The following GARRE1 variants were observed in gnomAD, a reference collection of about 807,000 sequenced individuals.
GARRE1 encodes granule associated Rac and RHOG effector protein 1.
A neutral mutation model predicts 103.2 loss-of-function variants in GARRE1; 49 were observed. The ratio of observed to expected loss-of-function variants is 0.47; its 90% CI spans 0.38 to 0.60. The LOEUF (loss-of-function observed/expected upper bound fraction) is 0.60, where lower values mean the gene tolerates loss of function less well. GARRE1 is among the 20% of genes least tolerant of loss of function. GARRE1 has a pLI of 0.00. For missense variants in GARRE1, 1,199 were observed against 1,370.5 expected, an observed-to-expected ratio of 0.87 and a Z score of 1.98; for synonymous variants, 505 against 532.8, an observed-to-expected ratio of 0.95 and a Z score of 0.72.
At chr19:34,340,025 C>T (rs755341055) in intron 9 of GARRE1, 33 bp downstream of exon 9, 8 of 1,612,330 alleles carry the variant, frequency 5.0e-6, no homozygotes, top group East Asian at 2.2e-5. Flanking sequence ...AGATGCATAC[C>T]GAGGGACAGT....
At chr19:34,298,511 G>A (rs1396008236) in intron 1 of GARRE1, among the ~76,000 whole-genome samples, 1 of 151,858 alleles carries the variant, frequency 6.6e-6, no homozygotes, top group Non-Finnish European at 1.5e-5. Flanking sequence ...TCAGGAGTTC[G>A]AGACCAGCCT....
chr19:34,260,896 T>C (rs1291062299), intron 1 of GARRE1, among the ~76,000 whole-genome samples: 1 of 152,172 alleles, frequency 6.6e-6, no homozygotes, highest in Non-Finnish European at 1.5e-5. Flanking sequence ...AAGAAATACT[T>C]GTGTTTCTGG....
intron 2 of GARRE1, among the ~76,000 whole-genome samples, chr19:34,308,238 C>CTTTTT (rs753284001): frequency 1.3e-4 from 13 of 99,492 alleles, no homozygotes; most frequent in African/African-American, 2.7e-4. Context: ...CATCCTGTTC[C>CTTTTT]TTTTTTTTTT....
At chr19:34,298,714 AAT>A (rs1201984114) in intron 1 of GARRE1, among the ~76,000 whole-genome samples, 1 of 125,194 alleles carries the variant, frequency 8.0e-6, no homozygotes, top group Admixed American at 7.5e-5. Context: ...TCTCAAAAAA[AAT>A]AATAATAATA....
intron 9 of GARRE1, 133 bp downstream of exon 9, chr19:34,340,125 T>C: frequency 1.1e-6 from 1 of 898,280 alleles, no homozygotes; most frequent in South Asian, 1.8e-5. Context: ...TAACTTTTAT[T>C]TTCAGAATAA....
chr19:34,324,463 G>T (rs971270643), intron 3 of GARRE1, among the ~76,000 whole-genome samples: 1 of 149,968 alleles, frequency 6.7e-6, no homozygotes, highest in African/African-American at 2.5e-5. Context: ...ATTTGCTCAT[G>T]CCTGTTACAT....
At chr19:34,317,425 T>A (rs938035743) in intron 2 of GARRE1, among the ~76,000 whole-genome samples, 1 of 152,170 alleles carries the variant, frequency 6.6e-6, no homozygotes, top group African/African-American at 2.4e-5. Flanking sequence ...CGTCTTCCCT[T>A]TTTCCTCCTC....
At chr19:34,351,384 ACCCAGGCAGGC>A (rs2074236029) in intron 12 of GARRE1, 119 bp from the exon 13 acceptor site, 3 of 696,884 alleles carry the variant, frequency 4.3e-6, no homozygotes, top group African/African-American at 3.5e-5. Flanking sequence ...TATGCCATTG[ACCCAGGCAGGC>A]CTCCTCCCCT....
In GARRE1 at chr19:34,300,083, G is replaced by T. The variant is rs2073968641; in HGVS notation, c.-391G>T. 5.9e-6 allele frequency: 1 copy of T among 168,284 alleles called. No homozygotes were observed. The highest frequency in any genetic ancestry group is 1.3e-5 in the Non-Finnish European group (1 of 79,120). The allele number at this position is 168,284 out of a possible 1,614,324, so 10.4% of individuals were successfully genotyped here. On this transcript the variant is annotated 5_prime_UTR_variant, in exon 2 of 14. Coordinates refer to ENST00000299505, the MANE Select transcript of GARRE1 (RefSeq NM_014686.5). ...CTTTTTTGGGTATATTGAAGACACAGTGTATTACATTATATTACATTTTTA... is the reference window on the plus strand; with the variant it reads ...CTTTTTTGGGTATATTGAAGACACATTGTATTACATTATATTACATTTTTA...
chr19:34,260,582 C>G (rs2073711387), intron 1 of GARRE1, among the ~76,000 whole-genome samples: 1 of 151,886 alleles, frequency 6.6e-6, no homozygotes, highest in Non-Finnish European at 1.5e-5. Context: ...GCACAATGTG[C>G]AGGTTAGTTA....
chr19:34,324,003 C>T (rs1047293505), intron 3 of GARRE1, among the ~76,000 whole-genome samples: 26 of 152,212 alleles, frequency 1.7e-4, no homozygotes, highest in African/African-American at 6.0e-4. Context: ...CATCCCTCTT[C>T]ACAACCATCT....
chr19:34,275,602 A>C (rs1488920124), intron 1 of GARRE1, among the ~76,000 whole-genome samples: 1 of 152,188 alleles, frequency 6.6e-6, no homozygotes, highest in East Asian at 1.9e-4. Flanking sequence ...CAGTTATACT[A>C]CATTTTGTTT....
At chr19:34,280,170 G>T (rs558461651) in intron 1 of GARRE1, among the ~76,000 whole-genome samples, 38 of 152,094 alleles carry the variant, frequency 2.5e-4, no homozygotes, top group African/African-American at 9.2e-4. Context: ...AAACAACCAG[G>T]TCTCATGAGA....
At chr19:34,340,806 C>T (rs936345971) in intron 9 of GARRE1, among the ~76,000 whole-genome samples, 1 of 152,188 alleles carries the variant, frequency 6.6e-6, no homozygotes, top group Non-Finnish European at 1.5e-5. Context: ...GCGTGAGCCA[C>T]CATGCCCAAC....
Position 34,296,236 on chromosome 19 carries a change from G to A in GARRE1, c.-795-3443G>A, listed in dbSNP as rs369757863. On this transcript the variant is annotated intron_variant, in intron 1 of 13. Transcript: ENST00000299505. ...ATGCAGACGGCAGCCCGAGGGGGTC[G>A]CAGCAGTCCTTCTGTTCTCACATTT... 5.2e-5 allele frequency: 31 copies of A among 601,354 alleles called. No individual in the cohort carries two copies. The East Asian group carries it at 6.7e-4, about 13-fold the overall frequency. 37.3% of individuals were successfully genotyped at this position (601,354 alleles called of 1,614,324 possible).
rs1599771102 is a variant in GARRE1 at position 34,319,893 on chromosome 19, T to C, written c.496-14T>C. On this transcript the variant is annotated splice_polypyrimidine_tract_variant and intron_variant, in intron 2 of 13. Coordinates refer to ENST00000299505, the MANE Select transcript of GARRE1 (RefSeq NM_014686.5). ...CCCACAACCTAAACATCCCTGGCTG[T>C]CTTGTTTTCACAGGTGTTGGGGCGA... is the stretch of plus-strand genomic sequence containing the variant. 3 of 1,612,862 alleles carry C rather than the reference T, an allele frequency of 1.9e-6. No individual in the cohort carries two copies. In the South Asian group the frequency reaches 3.3e-5, roughly 18 times the overall value.
chr19:34,341,722 T>C lies in GARRE1; in HGVS notation c.1788T>C (p.Asn596=). ...TACAAAGCATTTTGAACATTGGTAA[T>C]TTCCCCAGGACTACAGACCCTTCAC... is the stretch of plus-strand genomic sequence containing the variant. ...TRLQSILNIG[N]FPRTTDPSQS... The change falls in exon 10 of 14, where the codon AAT becomes AAC. Residue 596 remains asparagine, a synonymous_variant. Coordinates refer to ENST00000299505, the MANE Select transcript of GARRE1 (RefSeq NM_014686.5). The C allele has an allele frequency of 6.2e-7, 1 of 1,614,214 alleles. No individual in the cohort carries two copies. The highest frequency in any genetic ancestry group is 8.5e-7 in the Non-Finnish European group (1 of 1,180,038).
At position 34,300,726 on chromosome 19, in the gene GARRE1, G is replaced by A; in HGVS notation, c.253G>A (p.Asp85Asn). The part of the protein sequence containing the change: ...DIQQGISKYL[D>N]ALNVFCRAST... ...CCAGCAGGGCATCTCCAAGTATCTG[G>A]ATGCCCTGAACGTCTTCTGCCGTGC... Residue 85 changes from aspartate (D) to asparagine (N), a missense_variant, in exon 2 of 14, where the codon GAT (aspartate) becomes AAT (asparagine). Coordinates refer to ENST00000299505, the MANE Select transcript of GARRE1 (RefSeq NM_014686.5). 3 of 1,614,202 alleles carry A rather than the reference G, an allele frequency of 1.9e-6. No individual in the cohort carries two copies. The highest frequency in any genetic ancestry group is 2.5e-6 in the Non-Finnish European group (3 of 1,180,044).
chr19:34,333,834 G>T, intron 8 of GARRE1, 33 bp downstream of exon 8: 1 of 1,242,270 alleles, frequency 8.0e-7, no homozygotes, highest in South Asian at 1.2e-5. Context: ...CGGAGCCTAA[G>T]CTCTGACTGA....
Sources: gnomAD v4.1 joint callset for allele counts (sites outside exome capture counted in the v4.1 genomes callset) on GRCh38, gnomAD v4.1.1 for gene constraint, MANE v1.5 for transcripts, NCBI Gene and HGNC (gene_info 2026-07-23, HGNC 2026-07-21) for gene names.